CORIN: variants seen among roughly 807,000 people sequenced by gnomAD.
CORIN encodes the protein atrial natriuretic peptide-converting enzyme.
A neutral mutation model predicts 125.3 loss-of-function variants in CORIN; 117 were observed. The ratio of observed to expected loss-of-function variants is 0.93; its 90% CI spans 0.80 to 1.09. CORIN has a LOEUF of 1.09. CORIN is among the 50% of genes least tolerant of loss of function. CORIN has a pLI of 0.00. For synonymous variants in CORIN, 450 were observed against 466.4 expected (o/e 0.96, Z 0.45); for missense variants, 1,253 against 1,306.7 (o/e 0.96, Z 0.63).
chr4:47,815,006 C>T (rs1413294063), intron 1 of CORIN, among the ~76,000 whole-genome samples: 1 of 152,188 alleles, frequency 6.6e-6, no homozygotes, highest in African/African-American at 2.4e-5. Flanking sequence ...TAACCCAGTA[C>T]GCAGGCACCA....
intron 5 of CORIN, among the ~76,000 whole-genome samples, chr4:47,739,990 A>T (rs1287264575): frequency 1.3e-5 from 2 of 151,956 alleles, no homozygotes; most frequent in African/African-American, 4.8e-5. Flanking sequence ...TCTAACACAA[A>T]AAAAGTCAGT....
intron 7 of CORIN, 153 bp downstream of exon 7, chr4:47,683,578 T>C: frequency 1.7e-6 from 1 of 587,326 alleles, no homozygotes; most frequent in African/African-American, 1.9e-5. Flanking sequence ...CTGAGGACAG[T>C]GACTGAACAA....
At chr4:47,627,306 T>A (rs910083216) in intron 16 of CORIN, among the ~76,000 whole-genome samples, 6 of 152,088 alleles carry the variant, frequency 3.9e-5, no homozygotes, top group African/African-American at 7.2e-5. Context: ...ATTTTTAAAC[T>A]ATTGTAATCA....
chr4:47,624,026 A>C (rs1274764511), intron 17 of CORIN, 78 bp from the exon 18 acceptor site: 3 of 1,197,012 alleles, frequency 2.5e-6, no homozygotes, highest in Non-Finnish European at 3.7e-6. Flanking sequence ...CCAGTGAAAT[A>C]CAAGACAGCT....
chr4:47,837,985 T>C lies in CORIN; in HGVS notation c.-36A>G. 6.2e-7 allele frequency: 1 copy of C among 1,607,462 alleles called. No homozygotes were observed. The highest frequency in any genetic ancestry group is 8.5e-7 in the Non-Finnish European group (1 of 1,179,894). Reference sequence around the variant, plus strand: ...TCTCGCTTATTCTTCTGTCCACTTTTATCTTGGTCGCTTTTCTCTCCTCTA... The same window carrying C: ...TCTCGCTTATTCTTCTGTCCACTTTCATCTTGGTCGCTTTTCTCTCCTCTA... On this transcript the variant is annotated 5_prime_UTR_variant, in exon 1 of 22. It adds an upstream start codon to the 5' untranslated region. Transcript: ENST00000273857.
chr4:47,792,461 C>T (rs1041137434), intron 2 of CORIN, among the ~76,000 whole-genome samples: 1 of 152,136 alleles, frequency 6.6e-6, no homozygotes, highest in Non-Finnish European at 1.5e-5. Flanking sequence ...CCTTAGCCAA[C>T]GCAAAAACCC....
At chr4:47,636,449 C>A (rs192833130) in intron 16 of CORIN, among the ~76,000 whole-genome samples, 19 of 152,268 alleles carry the variant, frequency 1.2e-4, no homozygotes, top group African/African-American at 4.3e-4. Flanking sequence ...ATGCAAGTAG[C>A]AAAGTCAATA....
In CORIN at chr4:47,685,362, C is replaced by T. The variant is rs73142066; in HGVS notation, c.914-1524G>A. On this transcript the variant is annotated intron_variant, in intron 6 of 21. Transcript: ENST00000273857. ...AGGATGAAACTACCAATATATGTGA[C>T]AGTATGGATGAACCCCAAAAAGTTA... Among the ~76,000 whole-genome samples the T allele has an allele frequency of 4.1e-3, 620 of 152,262 alleles. 7 individuals carry two copies. Among genetic ancestry groups the T allele is most frequent in the African/African-American group, 0.014 (588 of 41,556 alleles).
intron 16 of CORIN, among the ~76,000 whole-genome samples, chr4:47,628,125 G>T (rs540406306): frequency 2.0e-4 from 31 of 152,176 alleles, no homozygotes; most frequent in African/African-American, 7.0e-4. Context: ...TGAAAATTAG[G>T]TTTCCATGAA....
At chr4:47,606,203 CA>C (rs1721638754) in intron 19 of CORIN, among the ~76,000 whole-genome samples, 1 of 152,082 alleles carries the variant, frequency 6.6e-6, no homozygotes, top group African/African-American at 2.4e-5. Flanking sequence ...GATTAAAATG[CA>C]GGTAGTACTA....
chr4:47,624,802 GA>G (rs890986390), intron 17 of CORIN, among the ~76,000 whole-genome samples: 1 of 151,200 alleles, frequency 6.6e-6, no homozygotes, highest in Admixed American at 6.6e-5. Flanking sequence ...CAATGTAAAT[GA>G]AAAAGGACAA....
chr4:47,599,533 C>T (rs1721370968), intron 21 of CORIN, among the ~76,000 whole-genome samples: 1 of 152,164 alleles, frequency 6.6e-6, no homozygotes, highest in Non-Finnish European at 1.5e-5. Context: ...TTGCACTTTT[C>T]CCTCCTTTCC....
intron 19 of CORIN, among the ~76,000 whole-genome samples, chr4:47,604,356 C>T (rs927971895): frequency 2.6e-5 from 4 of 152,168 alleles, no homozygotes; most frequent in Admixed American, 2.6e-4. Context: ...TCTATTCTCA[C>T]TCCATACTCC....
chr4:47,794,323 A>G (rs915737816), intron 2 of CORIN, among the ~76,000 whole-genome samples: 4 of 152,210 alleles, frequency 2.6e-5, no homozygotes, highest in Non-Finnish European at 5.9e-5. Flanking sequence ...TTCATCTAGC[A>G]TTTTTGAGGA....
intron 20 of CORIN, among the ~76,000 whole-genome samples, chr4:47,601,444 G>T (rs1015942130): frequency 6.6e-6 from 1 of 151,770 alleles, no homozygotes; most frequent in African/African-American, 2.4e-5. Context: ...CAAGGCTCAA[G>T]AAATCCTCCC....
chr4:47,827,867 C>T (rs1732809881), intron 1 of CORIN, among the ~76,000 whole-genome samples: 2 of 152,188 alleles, frequency 1.3e-5, no homozygotes, highest in Non-Finnish European at 2.9e-5. Context: ...ATACCAATGA[C>T]TGTCTCTCCT....
chr4:47,744,772 G>C lies in CORIN; in HGVS notation c.618-189C>G, dbSNP rs564600878. ...TAGCTATTCTATGGTCTTGATTCTA[G>C]AAGAAATAGCTAGTTCCACATCATC... On this transcript the variant is annotated intron_variant, in intron 4 of 21. Coordinates refer to ENST00000273857, the MANE Select transcript of CORIN (RefSeq NM_006587.4). Among the ~76,000 whole-genome samples the C allele has an allele frequency of 2.6e-5, 4 of 152,260 alleles. No homozygotes were observed. In the South Asian group the frequency reaches 8.3e-4, roughly 32 times the overall value.
At chr4:47,759,882 C>T (rs1294711499) in intron 4 of CORIN, among the ~76,000 whole-genome samples, 2 of 152,208 alleles carry the variant, frequency 1.3e-5, no homozygotes, top group Non-Finnish European at 2.9e-5. Flanking sequence ...AGTTCTCTTG[C>T]TATTTTCACA....
chr4:47,635,400 C>A (rs1433763856), intron 16 of CORIN, among the ~76,000 whole-genome samples: 1 of 152,140 alleles, frequency 6.6e-6, no homozygotes, highest in Non-Finnish European at 1.5e-5. Context: ...TGAAAGCTGC[C>A]TCAAGTAGGA....
Sources: allele counts gnomAD v4.1 joint callset (sites outside exome capture counted in the v4.1 genomes callset), GRCh38; gene constraint gnomAD v4.1.1; transcripts MANE v1.5; gene names NCBI Gene and HGNC (gene_info 2026-07-23, HGNC 2026-07-21).